The following ZNF407 variants were observed in gnomAD, a reference collection of about 807,000 sequenced individuals.
ZNF407 encodes zinc finger protein 407.
In ZNF407, 17 loss-of-function variants were observed where a neutral mutation model predicts 131.2. The ratio of observed to expected loss-of-function variants is 0.13; its 90% CI spans 0.09 to 0.19. ZNF407 has a LOEUF of 0.19. ZNF407 is among the 10% of genes least tolerant of loss of function. The pLI, the probability that ZNF407 is intolerant of heterozygous loss-of-function variation, is 1.00. For missense variants in ZNF407, 2,681 were observed against 2,830.6 expected, an observed-to-expected ratio of 0.95 and a Z score of 1.20; for synonymous variants, 1,156 against 1,062.0, an observed-to-expected ratio of 1.09 and a Z score of -1.72.
At chr18:74,915,594 G>A (rs1286960886) in intron 7 of ZNF407, among the ~76,000 whole-genome samples, 2 of 131,012 alleles carry the variant, frequency 1.5e-5, no homozygotes, top group Admixed American at 7.6e-5. Context: ...GGTATGGTGA[G>A]GTTGTGTGCA....
intron 4 of ZNF407, among the ~76,000 whole-genome samples, chr18:74,826,415 T>C (rs2145110751): frequency 1.3e-5 from 2 of 152,330 alleles, no homozygotes; most frequent in Middle Eastern, 6.8e-3. Flanking sequence ...GTTGATCTCT[T>C]AGGCAGTTGG....
chr18:75,028,975 GATATTCTGCCCACAGA>G (rs1169737010), intron 8 of ZNF407, among the ~76,000 whole-genome samples: 1 of 152,160 alleles, frequency 6.6e-6, no homozygotes, highest in Non-Finnish European at 1.5e-5. Context: ...TCTGTATCGG[GATATTCTGCCCACAGA>G]ATATCCTTCT....
chr18:74,927,022 T>C (rs1242128425), intron 8 of ZNF407, among the ~76,000 whole-genome samples: 2 of 152,206 alleles, frequency 1.3e-5, no homozygotes, highest in Non-Finnish European at 2.9e-5. Context: ...TTTCCTTATG[T>C]TTTCATTAGC....
At chr18:74,876,988 A>G (rs1389304424) in intron 4 of ZNF407, among the ~76,000 whole-genome samples, 1 of 152,212 alleles carries the variant, frequency 6.6e-6, no homozygotes, top group African/African-American at 2.4e-5. Flanking sequence ...CGTTGGGCCC[A>G]ACCGCAAAGC....
At chr18:74,764,846 C>A (rs1969192028) in intron 3 of ZNF407, among the ~76,000 whole-genome samples, 1 of 152,228 alleles carries the variant, frequency 6.6e-6, no homozygotes, top group East Asian at 1.9e-4. Context: ...ATTCTTTAAG[C>A]TTGATAAAAG....
intron 8 of ZNF407, among the ~76,000 whole-genome samples, chr18:74,929,023 T>TA (rs1214513623): frequency 1.3e-5 from 2 of 152,178 alleles, no homozygotes; most frequent in Admixed American, 6.5e-5. Context: ...AAAATAAAGT[T>TA]AGAGTACACA....
rs72965941 is a variant in ZNF407 at position 74,997,757 on chromosome 18, T to G, written c.5429-65393T>G. The stretch of plus-strand genomic sequence containing the variant: ...ATTTGTTTCATGGTGAAAAGTGGAT[T>G]CAACCTGCTCTTCTTCTTCCTGCGT... On this transcript the variant is annotated intron_variant, in intron 8 of 8. Coordinates refer to ENST00000299687, the MANE Select transcript of ZNF407 (RefSeq NM_017757.3). Among the ~76,000 whole-genome samples, 489 of 152,298 alleles carry G rather than the reference T, an allele frequency of 3.2e-3. 2 individuals are homozygous for G. Among genetic ancestry groups the G allele is most frequent in the Non-Finnish European group, 5.4e-3 (369 of 68,022 alleles).
At chr18:74,912,578 G>A (rs1406964297) in intron 7 of ZNF407, among the ~76,000 whole-genome samples, 2 of 152,178 alleles carry the variant, frequency 1.3e-5, no homozygotes, top group Non-Finnish European at 2.9e-5. Context: ...AGAGAGCTGA[G>A]TAGCAGTCTG....
At chr18:74,713,325 AACTT>A (rs1967811186) in intron 3 of ZNF407, among the ~76,000 whole-genome samples, 1 of 151,424 alleles carries the variant, frequency 6.6e-6, no homozygotes, top group Non-Finnish European at 1.5e-5. Flanking sequence ...TACTGAGTAA[AACTT>A]ACTAGATTTA....
chr18:74,871,805 A>T (rs1228749435), intron 4 of ZNF407, among the ~76,000 whole-genome samples: 1 of 152,134 alleles, frequency 6.6e-6, no homozygotes, highest in Non-Finnish European at 1.5e-5. Flanking sequence ...AAAAATTTTC[A>T]AAAATAAACA....
chr18:74,778,260 A>T (rs1354408523), intron 3 of ZNF407, among the ~76,000 whole-genome samples: 1 of 152,014 alleles, frequency 6.6e-6, no homozygotes, highest in African/African-American at 2.4e-5. Context: ...TGTGAGAATG[A>T]ATTGAGACTC....
At chr18:74,879,555 T>C (rs567915830) in intron 5 of ZNF407, among the ~76,000 whole-genome samples, 14 of 152,218 alleles carry the variant, frequency 9.2e-5, no homozygotes, top group Non-Finnish European at 1.6e-4. Context: ...TAGAAAGATT[T>C]ATTTCAAATT....
At chr18:74,691,897 C>A (rs471183) in intron 3 of ZNF407, among the ~76,000 whole-genome samples, 9 of 151,870 alleles carry the variant, frequency 5.9e-5, no homozygotes, top group South Asian at 4.1e-4. Flanking sequence ...AGTTATAGAC[C>A]AGCCTGGCCA....
In ZNF407 at chr18:74,763,699, T is replaced by C. The variant is rs376842788; in HGVS notation, c.4803-17729T>C. On this transcript the variant is annotated intron_variant, in intron 3 of 8. Coordinates refer to ENST00000299687, the MANE Select transcript of ZNF407 (RefSeq NM_017757.3). ...ATCTGTAAATCTGTTGTCATTCTTATCTTTGATTTTTTTTTTTTTTTTTTT... is the reference window on the plus strand; with the variant it reads ...ATCTGTAAATCTGTTGTCATTCTTACCTTTGATTTTTTTTTTTTTTTTTTT... Among the ~76,000 whole-genome samples the C allele has an allele frequency of 1.1e-4, 15 of 141,284 alleles. 1 individual carries two copies. The highest frequency in any genetic ancestry group is 3.6e-4 in the African/African-American group (14 of 39,168). 92.7% of individuals were successfully genotyped at this position (141,284 alleles called of 152,430 possible). A position where few individuals can be genotyped will look rare whatever the true frequency, so the allele number is the denominator to read the frequency against.
At chr18:74,979,931 T>C (rs1972569612) in intron 8 of ZNF407, among the ~76,000 whole-genome samples, 1 of 152,210 alleles carries the variant, frequency 6.6e-6, no homozygotes, top group Admixed American at 6.5e-5. Context: ...ATGTATTTTG[T>C]TCAATCATTA....
At chr18:75,008,042 C>G (rs1972931905) in intron 8 of ZNF407, among the ~76,000 whole-genome samples, 1 of 152,050 alleles carries the variant, frequency 6.6e-6, no homozygotes, top group African/African-American at 2.4e-5. Flanking sequence ...AGTCAAAGAC[C>G]CTGTGTTTGG....
intron 3 of ZNF407, among the ~76,000 whole-genome samples, chr18:74,655,690 A>G (rs978312317): frequency 5.9e-5 from 9 of 152,186 alleles, no homozygotes; most frequent in Admixed American, 3.3e-4. Flanking sequence ...TTCAGTGAAT[A>G]TTTGTTTTTC....
In ZNF407 at chr18:74,702,758, C is replaced by T. The variant is rs547059603; in HGVS notation, c.4802+61636C>T. ...TGATATGCATACGTATATTCAGGCA[C>T]ACATAGATACATGTACATATACACT... On this transcript the variant is annotated intron_variant, in intron 3 of 8. Transcript: ENST00000299687. Among the ~76,000 whole-genome samples the T allele has an allele frequency of 9.2e-5, 14 of 152,192 alleles. No individual in the cohort carries two copies. The South Asian group carries it at 2.7e-3, about 29-fold the overall frequency.
At chr18:74,676,661 C>G (rs11151110) in intron 3 of ZNF407, among the ~76,000 whole-genome samples, 140,304 of 151,916 alleles carry the variant, frequency 0.92, 65,074 homozygotes, top group East Asian at 0.98. Context: ...GTCTCGATCT[C>G]CTGACCTCGT....
Sources: gnomAD v4.1 joint callset for allele counts (sites outside exome capture counted in the v4.1 genomes callset) on GRCh38, gnomAD v4.1.1 for gene constraint, MANE v1.5 for transcripts, NCBI Gene and HGNC (gene_info 2026-07-23, HGNC 2026-07-21) for gene names.